Variants in CNOT2 observed in about 807,000 individuals in gnomAD.
The protein encoded by CNOT2 is CC chemokine receptor 4-negative regulator of transcription 2.
In CNOT2, 7 loss-of-function variants were observed where a neutral mutation model predicts 72.1. The ratio of observed to expected loss-of-function variants is 0.10; its 90% CI spans 0.06 to 0.18. The LOEUF is 0.18. CNOT2 is among the 10% of genes least tolerant of loss of function. The pLI, the probability that CNOT2 is intolerant of heterozygous loss-of-function variation, is 1.00. For synonymous variants in CNOT2, 196 were observed against 225.6 expected, an observed-to-expected ratio of 0.87 and a Z score of 1.17; for missense variants, 345 against 660.3, an observed-to-expected ratio of 0.52 and a Z score of 5.23.
At chr12:70,310,836 A>G (rs755850489) in intron 2 of CNOT2, 59 bp from the exon 3 acceptor site, 142 of 1,471,312 alleles carry the variant, frequency 9.7e-5, no homozygotes, top group Non-Finnish European at 1.3e-4. Flanking sequence ...CATAGGAGTA[A>G]GGTAACACTG....
intron 11 of CNOT2, among the ~76,000 whole-genome samples, chr12:70,340,976 ACC>A (rs1303632666): frequency 5.6e-5 from 8 of 143,374 alleles, no homozygotes; most frequent in Non-Finnish European, 1.2e-4. Flanking sequence ...GGTCATTACA[ACC>A]TCCACCTCCC....
intron 3 of CNOT2, among the ~76,000 whole-genome samples, chr12:70,311,495 C>T (rs1283748599): frequency 1.3e-5 from 2 of 151,706 alleles, no homozygotes; most frequent in Non-Finnish European, 3.0e-5. Flanking sequence ...CATAGGGATA[C>T]TATAATAGGA....
At chr12:70,298,738 A>T (rs1037888289) in intron 2 of CNOT2, among the ~76,000 whole-genome samples, 1 of 152,158 alleles carries the variant, frequency 6.6e-6, no homozygotes, top group African/African-American at 2.4e-5. Flanking sequence ...CGGGACATGG[A>T]AACTAACTTC....
rs139601329 is a variant in CNOT2 at position 70,341,902 on chromosome 12, T to C, written c.1179-205T>C. Reference sequence around the variant, plus strand: ...TATTTATACTGTATTGCAAGAATACTGAGGGAAGGAGTCCTATCATATTTT... The same window carrying C: ...TATTTATACTGTATTGCAAGAATACCGAGGGAAGGAGTCCTATCATATTTT... On this transcript the variant is annotated intron_variant, in intron 11 of 15. Coordinates refer to ENST00000229195, the MANE Select transcript of CNOT2 (RefSeq NM_014515.7). The C allele has an allele frequency of 9.3e-4, 560 of 599,622 alleles. 5 individuals carry two copies. In the African/African-American group the frequency reaches 9.9e-3, roughly 11 times the overall value. 37.1% of individuals were successfully genotyped at this position (599,622 alleles called of 1,614,324 possible). A position where few individuals can be genotyped will look rare whatever the true frequency, so the allele number is the denominator to read the frequency against.
intron 7 of CNOT2, among the ~76,000 whole-genome samples, chr12:70,333,542 A>T (rs1880259428): frequency 6.6e-6 from 1 of 151,976 alleles, no homozygotes; most frequent in Non-Finnish European, 1.5e-5. Flanking sequence ...TGTTATGATC[A>T]TAGGAGCAAA....
At chr12:70,301,271 G>C (rs1273396433) in intron 2 of CNOT2, among the ~76,000 whole-genome samples, 1 of 152,162 alleles carries the variant, frequency 6.6e-6, no homozygotes, top group Non-Finnish European at 1.5e-5. Flanking sequence ...AATAGGAGTG[G>C]TGAGAGAGGG....
intron 1 of CNOT2, among the ~76,000 whole-genome samples, chr12:70,262,153 T>C (rs1288915091): frequency 2.0e-5 from 3 of 152,172 alleles, no homozygotes; most frequent in Non-Finnish European, 4.4e-5. Context: ...TCTTTTTAGA[T>C]AATAAACTTT....
chr12:70,297,352 G>A (rs1242478573), intron 2 of CNOT2, among the ~76,000 whole-genome samples: 1 of 152,158 alleles, frequency 6.6e-6, no homozygotes, highest in Non-Finnish European at 1.5e-5. Flanking sequence ...AAACTCTGTA[G>A]CTGGGAGTGA....
At chr12:70,298,379 G>A (rs1873201426) in intron 2 of CNOT2, among the ~76,000 whole-genome samples, 1 of 152,144 alleles carries the variant, frequency 6.6e-6, no homozygotes, top group South Asian at 2.1e-4. Context: ...TTGAGAGTCA[G>A]TGTACTATCA....
chr12:70,350,763 A>T (rs569132265), intron 15 of CNOT2, among the ~76,000 whole-genome samples: 1 of 152,216 alleles, frequency 6.6e-6, no homozygotes, highest in Non-Finnish European at 1.5e-5. Context: ...CTCATTTTAT[A>T]TGTATAAATA....
At chr12:70,244,990 A>G (rs912331834) in intron 1 of CNOT2, among the ~76,000 whole-genome samples, 2 of 152,198 alleles carry the variant, frequency 1.3e-5, no homozygotes. Flanking sequence ...TTTACATGCA[A>G]GGTTGATGTT....
chr12:70,353,075 C>CTTTTT (rs372881091), intron 15 of CNOT2, among the ~76,000 whole-genome samples: 1 of 135,510 alleles, frequency 7.4e-6, no homozygotes, highest in Admixed American at 7.3e-5. Context: ...ATGTGTTTTC[C>CTTTTT]TTTTTTTTTT....
chr12:70,254,913 G>A (rs545307145), intron 1 of CNOT2, among the ~76,000 whole-genome samples: 23 of 151,240 alleles, frequency 1.5e-4, no homozygotes, highest in African/African-American at 5.3e-4. Flanking sequence ...CCTGGGAGGC[G>A]GAGGTTGCAG....
chr12:70,276,058 G>T (rs1232596615), intron 1 of CNOT2, among the ~76,000 whole-genome samples: 7 of 151,968 alleles, frequency 4.6e-5, no homozygotes, highest in Admixed American at 2.0e-4. Context: ...TCCAGGCCAT[G>T]AAATATTTCC....
chr12:70,342,386 T>A, intron 13 of CNOT2, 79 bp downstream of exon 13: 2 of 1,515,192 alleles, frequency 1.3e-6, no homozygotes, highest in Non-Finnish European at 1.8e-6. Context: ...GGCAGCATAC[T>A]ATTTTTGAAA....
At chr12:70,243,341 C>G (rs1440678584), upstream of CNOT2, 1 of 152,678 alleles carries the variant, frequency 6.5e-6, no homozygotes, top group Non-Finnish European at 1.5e-5. Context: ...AGTCGTCGCT[C>G]CCACCTTCCG....
intron 1 of CNOT2, among the ~76,000 whole-genome samples, chr12:70,255,686 C>G (rs1234251727): frequency 6.6e-6 from 1 of 152,040 alleles, no homozygotes; most frequent in African/African-American, 2.4e-5. Flanking sequence ...GTAACAAAGG[C>G]ACTTACAAGC....
In CNOT2 at chr12:70,343,753, A is replaced by T. The variant is rs573319940; in HGVS notation, c.1291-375A>T. 5.9e-5 allele frequency among the ~76,000 whole-genome samples: 9 copies of T among 152,320 alleles called. No individual in the cohort carries two copies. The South Asian group carries it at 1.9e-3, about 32-fold the overall frequency. ...TAAATAACTAGGACACAGTCATATT[A>T]ATGAGTAATAAAACCAGGACTTGAA... On this transcript the variant is annotated intron_variant, in intron 13 of 15. Coordinates refer to ENST00000229195, the MANE Select transcript of CNOT2 (RefSeq NM_014515.7).
chr12:70,263,019 T>C (rs190570991), intron 1 of CNOT2, among the ~76,000 whole-genome samples: 2 of 152,346 alleles, frequency 1.3e-5, no homozygotes, highest in East Asian at 1.9e-4. Flanking sequence ...TAAAATTCTT[T>C]ATTGACAGTT....
Sources: gnomAD v4.1 joint callset for allele counts (sites outside exome capture counted in the v4.1 genomes callset) on GRCh38, gnomAD v4.1.1 for gene constraint, MANE v1.5 for transcripts, NCBI Gene and HGNC (gene_info 2026-07-23, HGNC 2026-07-21) for gene names.